Variants in SORT1 observed in about 807,000 individuals in gnomAD.
The protein encoded by SORT1 is sortilin.
In SORT1, 39 loss-of-function variants were observed where a neutral mutation model predicts 101.7. That is an observed-to-expected ratio of 0.38 (90% confidence interval 0.30 to 0.50). SORT1 has a LOEUF of 0.50. SORT1 is among the 20% of genes least tolerant of loss of function. The probability of loss-of-function intolerance (pLI) is 0.90; values close to 1 mark genes in which losing one functional copy is unlikely to be tolerated. For missense variants in SORT1, 878 were observed against 1,040.4 expected, an observed-to-expected ratio of 0.84 and a Z score of 2.15; for synonymous variants, 396 against 393.7, an observed-to-expected ratio of 1.01 and a Z score of -0.07.
At chr1:109,385,821 A>C (rs897005316) in intron 1 of SORT1, among the ~76,000 whole-genome samples, 1 of 152,224 alleles carries the variant, frequency 6.6e-6, no homozygotes, top group Non-Finnish European at 1.5e-5. Context: ...CAGACTAAAA[A>C]AGACCTGTCA....
intron 5 of SORT1, 59 bp from the exon 6 acceptor site, chr1:109,351,061 T>C (rs1649925347): frequency 9.2e-7 from 1 of 1,083,752 alleles, no homozygotes; most frequent in Admixed American, 1.7e-5. Context: ...GTTGCTTGTA[T>C]GACCTTTAAT....
chr1:109,377,182 C>A (rs981744272), intron 1 of SORT1, among the ~76,000 whole-genome samples: 19 of 152,128 alleles, frequency 1.2e-4, no homozygotes, highest in African/African-American at 4.6e-4. Context: ...TACATGTAAA[C>A]TATACATGTA....
Position 109,331,570 on chromosome 1 carries a change from T to C in SORT1, c.1372-3969A>G, listed in dbSNP as rs183991396. Among the ~76,000 whole-genome samples the C allele has an allele frequency of 2.0e-5, 3 of 152,228 alleles. No homozygotes were observed. The East Asian group carries it at 5.8e-4, about 29-fold the overall frequency. On this transcript the variant is annotated intron_variant, in intron 11 of 19. Coordinates refer to ENST00000256637, the MANE Select transcript of SORT1 (RefSeq NM_002959.7). ...ATATGTGACAAGCCCACAGCTAACA[T>C]CATACTCAAACAGTCAAAAGCTAAA...
intron 7 of SORT1, 82 bp from the exon 8 acceptor site, chr1:109,345,963 T>C: frequency 8.5e-7 from 1 of 1,183,282 alleles, no homozygotes; most frequent in Non-Finnish European, 1.2e-6. Context: ...TCAATCTTAA[T>C]TTTATAGCTA....
chr1:109,378,458 A>G (rs1651996737), intron 1 of SORT1, among the ~76,000 whole-genome samples: 1 of 151,750 alleles, frequency 6.6e-6, no homozygotes, highest in South Asian at 2.1e-4. Context: ...TAATGAGCCA[A>G]TAAGTTATGG....
intron 3 of SORT1, among the ~76,000 whole-genome samples, chr1:109,357,593 A>C (rs1650413729): frequency 6.6e-6 from 1 of 152,190 alleles, no homozygotes; most frequent in African/African-American, 2.4e-5. Context: ...TTTCCCTTAC[A>C]AACTGGGGTC....
At chr1:109,385,373 T>C (rs1006188365) in intron 1 of SORT1, among the ~76,000 whole-genome samples, 1 of 152,172 alleles carries the variant, frequency 6.6e-6, no homozygotes, top group Non-Finnish European at 1.5e-5. Context: ...ATTAGAAAGA[T>C]TTCCATTAAA....
intron 5 of SORT1, among the ~76,000 whole-genome samples, chr1:109,352,250 G>A (rs1650017365): frequency 2.0e-5 from 3 of 152,072 alleles, no homozygotes; most frequent in Admixed American, 2.0e-4. Flanking sequence ...CTAGAGATAA[G>A]GATTTGAAAA....
chr1:109,353,975 A>C (rs563523442), intron 5 of SORT1, among the ~76,000 whole-genome samples: 1 of 152,204 alleles, frequency 6.6e-6, no homozygotes, highest in African/African-American at 2.4e-5. Flanking sequence ...AACTGAGGAC[A>C]TAACAAAAAA....
chr1:109,344,648 T>C (rs561645359), intron 8 of SORT1, among the ~76,000 whole-genome samples: 31 of 152,190 alleles, frequency 2.0e-4, no homozygotes, highest in Admixed American at 3.9e-4. Flanking sequence ...TTTCTTACTG[T>C]TTTAGATTTC....
chr1:109,327,155 C>G lies in SORT1; in HGVS notation c.1480G>C (p.Val494Leu). Reference sequence around the variant, plus strand: ...ACCATCACTGAGATGGCATCCCCCACGCTACCTGCAATATAATCCACCATC... The same window carrying G: ...ACCATCACTGAGATGGCATCCCCCAGGCTACCTGCAATATAATCCACCATC... ...AVGIVIAHGS[V>L]GDAISVMVPD... Residue 494 changes from valine to leucine, a missense_variant, in exon 13 of 20, where the codon GTG (valine) becomes CTG (leucine). Transcript: ENST00000256637. 2 of 1,611,626 alleles carry G rather than the reference C, an allele frequency of 1.2e-6. No homozygotes were observed. Among genetic ancestry groups the G allele is most frequent in the South Asian group, 1.1e-5 (1 of 90,832 alleles).
chr1:109,344,112 C>T (rs989461893), intron 8 of SORT1, among the ~76,000 whole-genome samples: 1 of 152,152 alleles, frequency 6.6e-6, no homozygotes, highest in Admixed American at 6.5e-5. Context: ...TCAGCAAGTC[C>T]TATTAGTAAT....
At chr1:109,332,753 C>T (rs1191643965) in intron 11 of SORT1, among the ~76,000 whole-genome samples, 2 of 151,808 alleles carry the variant, frequency 1.3e-5, no homozygotes, top group Non-Finnish European at 2.9e-5. Flanking sequence ...ATGGTACTGG[C>T]GTTAAAAACA....
chr1:109,376,306 G>A (rs564312485), intron 1 of SORT1, among the ~76,000 whole-genome samples: 85 of 145,948 alleles, frequency 5.8e-4, no homozygotes, highest in Non-Finnish European at 9.7e-4. Context: ...ATTCCAGCCT[G>A]GGCAACAGAG....
Position 109,312,213 on chromosome 1 carries a change from GTTTTCATT to G in SORT1, c.*1822_*1829del, listed in dbSNP as rs1389354454. 6.6e-6 allele frequency: 1 copy of G among 152,240 alleles called. No individual in the cohort carries two copies. The highest frequency in any genetic ancestry group is 1.5e-5 in the Non-Finnish European group (1 of 68,010). The allele number at this position is 152,240 out of a possible 1,614,324, so 9.4% of individuals were successfully genotyped here. On this transcript the variant is annotated 3_prime_UTR_variant, in exon 20 of 20. Transcript: ENST00000256637. ...GAGGGAGGGTGGGGCAGAGGCTGAC[GTTTTCATT>G]TGTGAGCTGGTGTATCTTCGGAATT...
chr1:109,336,049 C>T (rs934953624), intron 11 of SORT1, among the ~76,000 whole-genome samples, 191 bp downstream of exon 11: 1 of 152,128 alleles, frequency 6.6e-6, no homozygotes, highest in Non-Finnish European at 1.5e-5. Context: ...ACAAATAATC[C>T]ATAGTATTTT....
chr1:109,395,208 C>CT lies in SORT1; in HGVS notation c.306+2378dup, dbSNP rs71069681. Among the ~76,000 whole-genome samples, 327 of 42,604 alleles carry CT rather than the reference C, an allele frequency of 7.7e-3. 37 individuals are homozygous for CT. The highest frequency in any genetic ancestry group is 9.1e-3 in the African/African-American group (99 of 10,878). 27.9% of individuals were successfully genotyped at this position (42,604 alleles called of 152,430 possible). A position where few individuals can be genotyped will look rare whatever the true frequency, so the allele number is the denominator to read the frequency against. ...CACGGATGACTAACAAACGCAAAAACTTTTTTTTTTTTTTTTTTTTTTTTT... is the reference window on the plus strand; with the variant it reads ...CACGGATGACTAACAAACGCAAAAACTTTTTTTTTTTTTTTTTTTTTTTTTT... On this transcript the variant is annotated intron_variant, in intron 1 of 19. Coordinates refer to ENST00000256637, the MANE Select transcript of SORT1 (RefSeq NM_002959.7).
intron 6 of SORT1, among the ~76,000 whole-genome samples, chr1:109,350,167 A>AT (rs1476060576): frequency 6.6e-6 from 1 of 152,226 alleles, no homozygotes; most frequent in Admixed American, 6.5e-5. Flanking sequence ...GGATTCACAA[A>AT]TTAGCTGAAA....
chr1:109,370,356 T>A (rs1651412360), intron 1 of SORT1, among the ~76,000 whole-genome samples: 1 of 152,210 alleles, frequency 6.6e-6, no homozygotes, highest in African/African-American at 2.4e-5. Flanking sequence ...TAAGAACGCA[T>A]AATAAAGATA....
Sources: gnomAD v4.1 joint callset for allele counts (sites outside exome capture counted in the v4.1 genomes callset) on GRCh38, gnomAD v4.1.1 for gene constraint, MANE v1.5 for transcripts, NCBI Gene and HGNC (gene_info 2026-07-23, HGNC 2026-07-21) for gene names.